Variants in NTNG1 observed in about 807,000 individuals in gnomAD.
The protein encoded by NTNG1 is netrin G1.
A neutral mutation model predicts 54.0 loss-of-function variants in NTNG1; 16 were observed. That is an observed-to-expected ratio of 0.30 (90% CI 0.20 to 0.45). The LOEUF (loss-of-function observed/expected upper bound fraction) is 0.45, where lower values mean the gene tolerates loss of function less well. NTNG1 is among the 20% of genes least tolerant of loss of function. The pLI is 1.00. For missense variants in NTNG1, 530 were observed against 678.7 expected (o/e 0.78, Z 2.43); for synonymous variants, 255 against 263.1 (o/e 0.97, Z 0.30).
intron 2 of NTNG1, among the ~76,000 whole-genome samples, chr1:107,192,315 G>T (rs865803629): frequency 1.3e-5 from 2 of 151,822 alleles, no homozygotes; most frequent in Non-Finnish European, 2.9e-5. Flanking sequence ...TCGTGCTTTC[G>T]ACCTTCTTTT....
At chr1:107,280,603 C>CT (rs201973865) in intron 2 of NTNG1, among the ~76,000 whole-genome samples, 2,858 of 133,790 alleles carry the variant, frequency 0.021, 44 homozygotes, top group African/African-American at 0.047. Context: ...GTTGGCATGG[C>CT]TTTTTTTTTT....
chr1:107,160,351 T>C (rs114608608), intron 2 of NTNG1, among the ~76,000 whole-genome samples: 82 of 152,184 alleles, frequency 5.4e-4, no homozygotes, highest in African/African-American at 1.9e-3. Flanking sequence ...GTTAGCAAAA[T>C]CGTCAAGATA....
At chr1:107,456,501 G>C (rs1281880240) in intron 7 of NTNG1, among the ~76,000 whole-genome samples, 1 of 152,120 alleles carries the variant, frequency 6.6e-6, no homozygotes, top group African/African-American at 2.4e-5. Context: ...CTCCCACTCA[G>C]ATAAATCAGC....
intron 4 of NTNG1, among the ~76,000 whole-genome samples, chr1:107,404,660 AT>A (rs1673287927): frequency 1.3e-5 from 2 of 151,122 alleles, no homozygotes; most frequent in Admixed American, 6.6e-5. Flanking sequence ...GGAACAAGAC[AT>A]GGAACTTGTG....
At chr1:107,422,804 C>G (rs1553244638) in intron 5 of NTNG1, among the ~76,000 whole-genome samples, 1 of 151,346 alleles carries the variant, frequency 6.6e-6, no homozygotes, top group South Asian at 2.1e-4. Flanking sequence ...CCTCATTTGG[C>G]CAAAAAAAAA....
chr1:107,384,652 A>G (rs1671852263), intron 3 of NTNG1, among the ~76,000 whole-genome samples: 1 of 152,206 alleles, frequency 6.6e-6, no homozygotes, highest in Non-Finnish European at 1.5e-5. Context: ...CAGGAGCTAT[A>G]TTAGGTACTC....
chr1:107,163,957 C>T (rs994207560), intron 2 of NTNG1, among the ~76,000 whole-genome samples: 2 of 152,116 alleles, frequency 1.3e-5, no homozygotes, highest in Non-Finnish European at 2.9e-5. Flanking sequence ...GCCATATTAT[C>T]CATATTATCC....
At chr1:107,189,030 A>G (rs760151282) in intron 2 of NTNG1, among the ~76,000 whole-genome samples, 8 of 152,040 alleles carry the variant, frequency 5.3e-5, no homozygotes, top group Middle Eastern at 3.2e-3. Flanking sequence ...GTTGGTGTAC[A>G]GTCAAATTTT....
Position 107,480,842 on chromosome 1 carries a change from T to A in NTNG1, c.*2T>A, listed in dbSNP as rs1678662116. 1 of 1,554,228 alleles carries A rather than the reference T, an allele frequency of 6.4e-7. No individual in the cohort carries two copies. Among genetic ancestry groups the A allele is most frequent in the Non-Finnish European group, 8.7e-7 (1 of 1,149,236 alleles). ...ACCGCCAGCCCCCTGGTGTTCTAGG[T>A]GTCACCTCCAGCCACACCGGACGGG... On this transcript the variant is annotated 3_prime_UTR_variant, in exon 8 of 8. Coordinates refer to ENST00000370068, the MANE Select transcript of NTNG1 (RefSeq NM_001113226.3).
chr1:107,164,194 G>A (rs950685909), intron 2 of NTNG1, among the ~76,000 whole-genome samples: 1 of 152,210 alleles, frequency 6.6e-6, no homozygotes, highest in East Asian at 1.9e-4. Flanking sequence ...GTGGCTTGAG[G>A]AGGGGAGAGC....
At chr1:107,173,924 C>T (rs1026453393) in intron 2 of NTNG1, among the ~76,000 whole-genome samples, 1 of 151,910 alleles carries the variant, frequency 6.6e-6, no homozygotes, top group African/African-American at 2.4e-5. Flanking sequence ...GAAAGTGTTA[C>T]ACTAGTCAAC....
In NTNG1 at chr1:107,282,088, G is replaced by A. The variant is rs574814518; in HGVS notation, c.247-42194G>A. Among the ~76,000 whole-genome samples, 44 of 152,240 alleles carry A rather than the reference G, an allele frequency of 2.9e-4. 1 individual carries two copies. Among genetic ancestry groups the A allele is most frequent in the Non-Finnish European group, 5.1e-4 (35 of 68,022 alleles). ...AACTATTATGATCATTTACAGATAC[G>A]ATGCTTAATTGTGTATCTCTTTCTT... On this transcript the variant is annotated intron_variant, in intron 2 of 7. Transcript: ENST00000370068.
intron 2 of NTNG1, among the ~76,000 whole-genome samples, chr1:107,208,756 G>T (rs1251392077): frequency 6.6e-6 from 1 of 152,106 alleles, no homozygotes; most frequent in Non-Finnish European, 1.5e-5. Flanking sequence ...CCCTCCCAGA[G>T]GGTGCCTCAG....
chr1:107,334,545 T>C (rs189255630), intron 3 of NTNG1, among the ~76,000 whole-genome samples: 1 of 151,822 alleles, frequency 6.6e-6, no homozygotes, highest in Non-Finnish European at 1.5e-5. Context: ...AACTCCAGTA[T>C]TGGATTTGTA....
chr1:107,306,833 G>C (rs763120007), intron 2 of NTNG1, among the ~76,000 whole-genome samples: 1 of 152,082 alleles, frequency 6.6e-6, no homozygotes, highest in Non-Finnish European at 1.5e-5. Flanking sequence ...AAGTGACTTG[G>C]TTGTTTTCTA....
rs934959120 is a variant in NTNG1, at chr1:107,481,132, C to T, written c.*292C>T. 1 of 428,888 alleles carries T rather than the reference C, an allele frequency of 2.3e-6. No individual in the cohort carries two copies. The highest frequency in any genetic ancestry group is 4.2e-6 in the Non-Finnish European group (1 of 239,702). The allele number at this position is 428,888 out of a possible 1,614,324, so 26.6% of individuals were successfully genotyped here. A position where few individuals can be genotyped will look rare whatever the true frequency, so the allele number is the denominator to read the frequency against. On this transcript the variant is annotated 3_prime_UTR_variant, in exon 8 of 8. Transcript: ENST00000370068. ...GATTGGAAAGGCTGCGACAGCCCCC[C>T]AAACAGGAAAGACAAAAAACAAACA... is the stretch of plus-strand genomic sequence containing the variant.
intron 3 of NTNG1, among the ~76,000 whole-genome samples, chr1:107,370,922 G>A (rs1670885932): frequency 6.6e-6 from 1 of 151,816 alleles, no homozygotes; most frequent in African/African-American, 2.4e-5. Context: ...ATTGATTTTT[G>A]TATATTGATC....
chr1:107,421,496 A>C (rs1674570912), intron 5 of NTNG1, among the ~76,000 whole-genome samples: 1 of 152,062 alleles, frequency 6.6e-6, no homozygotes, highest in Non-Finnish European at 1.5e-5. Flanking sequence ...AGTTTCAAGG[A>C]TGCTTTTCAT....
intron 5 of NTNG1, chr1:107,408,071 G>T: frequency 3.0e-6 from 1 of 338,340 alleles, no homozygotes; most frequent in Non-Finnish European, 5.7e-6. Context: ...TCTTAGACTG[G>T]ATTTGGATGT....
Sources: allele counts gnomAD v4.1 joint callset (sites outside exome capture counted in the v4.1 genomes callset), GRCh38; gene constraint gnomAD v4.1.1; transcripts MANE v1.5; gene names NCBI Gene and HGNC (gene_info 2026-07-23, HGNC 2026-07-21).